Variants in DRC11 observed in about 807,000 individuals in gnomAD.
DRC11 encodes dynein regulatory complex subunit 11.
chr2:236,457,787 G>A, the DRC11 span, among the ~76,000 whole-genome samples: 1 of 152,200 alleles, frequency 6.6e-6, no homozygotes, highest in Non-Finnish European at 1.5e-5. This position sits in a 1 kb window ranked among gnomAD's most constrained non-coding sequence, Gnocchi z 4.7. Context: ...GAAGCCCCCA[G>A]AAGCTGGCAG....
chr2:236,338,505 C>A, the DRC11 span: 1 of 889,082 alleles, frequency 1.1e-6, no homozygotes, highest in Non-Finnish European at 1.7e-6. Flanking sequence ...CTGACAAACA[C>A]AATTTCTTAA....
chr2:236,350,193 G>A, the DRC11 span, among the ~76,000 whole-genome samples: 1 of 152,136 alleles, frequency 6.6e-6, no homozygotes, highest in East Asian at 1.9e-4. The surrounding 1 kb of genome is among the most constrained non-coding windows in gnomAD (Gnocchi z 5.2). Flanking sequence ...TTTTGAAAAC[G>A]GCGGCTCCAT....
At chr2:236,475,858 T>G in the DRC11 span, among the ~76,000 whole-genome samples, 1 of 152,196 alleles carries the variant, frequency 6.6e-6, no homozygotes, top group African/African-American at 2.4e-5. The surrounding 1 kb of genome is among the most constrained non-coding windows in gnomAD (Gnocchi z 4.8). Context: ...TCTTGGAGTC[T>G]TTGTCGAAAA....
chr2:236,336,613 C>G, the DRC11 span, among the ~76,000 whole-genome samples: 1 of 152,132 alleles, frequency 6.6e-6, no homozygotes, highest in Non-Finnish European at 1.5e-5. The surrounding 1 kb of genome is among the most constrained non-coding windows in gnomAD (Gnocchi z 7.3). Flanking sequence ...ACACAGTCAC[C>G]CTATCTCCCG....
chr2:236,395,122 C>T, the DRC11 span, among the ~76,000 whole-genome samples: 8 of 152,070 alleles, frequency 5.3e-5, no homozygotes, highest in African/African-American at 1.9e-4. Context: ...GGATTGGGGG[C>T]ACAGCGCTGG....
At chr2:236,500,037 G>A in the DRC11 span, among the ~76,000 whole-genome samples, 4 of 152,154 alleles carry the variant, frequency 2.6e-5, no homozygotes, top group East Asian at 1.9e-4. This position sits in a 1 kb window ranked among gnomAD's most constrained non-coding sequence, Gnocchi z 6.3. Context: ...CCTTTCTGGC[G>A]AAAAGGTAAA....
At chr2:236,487,952 G>C in the DRC11 span, 1 of 1,313,832 alleles carries the variant, frequency 7.6e-7, no homozygotes, top group South Asian at 1.7e-5. Flanking sequence ...TGTATCTTTA[G>C]TGTATAAGGC....
the DRC11 span, among the ~76,000 whole-genome samples, chr2:236,330,803 C>T: frequency 2.0e-5 from 3 of 152,164 alleles, no homozygotes; most frequent in Non-Finnish European, 2.9e-5. This position sits in a 1 kb window ranked among gnomAD's most constrained non-coding sequence, Gnocchi z 5.5. Context: ...CTGGGCACTC[C>T]TATAAGAGAG....
At chr2:236,326,072 T>C in the DRC11 span, among the ~76,000 whole-genome samples, 3 of 152,248 alleles carry the variant, frequency 2.0e-5, no homozygotes, top group South Asian at 2.1e-4. Flanking sequence ...TGTTTCTTTG[T>C]AGGTAATCTG....
the DRC11 span, among the ~76,000 whole-genome samples, chr2:236,323,590 C>T: frequency 6.6e-6 from 1 of 152,204 alleles, no homozygotes; most frequent in Non-Finnish European, 1.5e-5. This position sits in a 1 kb window ranked among gnomAD's most constrained non-coding sequence, Gnocchi z 6.4. Context: ...CTGGAAACCA[C>T]AAACCTTCTT....
chr2:236,449,349 T>C, the DRC11 span, among the ~76,000 whole-genome samples: 2 of 152,194 alleles, frequency 1.3e-5, no homozygotes, highest in Admixed American at 1.3e-4. This position sits in a 1 kb window ranked among gnomAD's most constrained non-coding sequence, Gnocchi z 5.1. Flanking sequence ...CAAGGCACCA[T>C]TCTGTCACGA....
At chr2:236,347,655 C>T in the DRC11 span, among the ~76,000 whole-genome samples, 4 of 151,656 alleles carry the variant, frequency 2.6e-5, no homozygotes, top group Non-Finnish European at 4.4e-5. Context: ...TACGTTCTCA[C>T]TAGGACGCGA....
chr2:236,319,120 C>G, the DRC11 span, among the ~76,000 whole-genome samples: 13 of 152,226 alleles, frequency 8.5e-5, no homozygotes, highest in African/African-American at 3.1e-4. The surrounding 1 kb of genome is among the most constrained non-coding windows in gnomAD (Gnocchi z 6.7). Flanking sequence ...CATGCCCCTC[C>G]TCCTTCTTCA....
the DRC11 span, among the ~76,000 whole-genome samples, chr2:236,350,465 T>G: frequency 1.1e-4 from 16 of 152,314 alleles, no homozygotes; most frequent in Admixed American, 7.8e-4. The surrounding 1 kb of genome is among the most constrained non-coding windows in gnomAD (Gnocchi z 5.2). Flanking sequence ...CTGACTTCAT[T>G]TGCAAAGTGC....
At chr2:236,360,811 C>G in the DRC11 span, among the ~76,000 whole-genome samples, 57 of 152,290 alleles carry the variant, frequency 3.7e-4, no homozygotes, top group African/African-American at 1.4e-3. This position sits in a 1 kb window ranked among gnomAD's most constrained non-coding sequence, Gnocchi z 5.8. Flanking sequence ...TATTCCAGGA[C>G]TAAGAGATTT....
At chr2:236,478,927 C>T in the DRC11 span, among the ~76,000 whole-genome samples, 46 of 151,654 alleles carry the variant, frequency 3.0e-4, no homozygotes, top group African/African-American at 9.9e-4. This position sits in a 1 kb window ranked among gnomAD's most constrained non-coding sequence, Gnocchi z 5.9. Flanking sequence ...CAGGTTCAAG[C>T]GAGTGTCCTG....
At chr2:236,368,690 T>A in the DRC11 span, 41 of 166,808 alleles carry the variant, frequency 2.5e-4, no homozygotes, top group Admixed American at 1.5e-3. Context: ...ATGTATAACA[T>A]TTGTGCAAAC....
chr2:236,487,142 C>A, the DRC11 span, among the ~76,000 whole-genome samples: 1 of 152,152 alleles, frequency 6.6e-6, no homozygotes, highest in Admixed American at 6.5e-5. Context: ...ACCTTGGTTT[C>A]TTCAAGAGGA....
the DRC11 span, chr2:236,407,778 ATT>A: frequency 1.6e-3 from 408 of 251,248 alleles, no homozygotes; most frequent in Non-Finnish European, 2.2e-3. Context: ...TTCACTCCTC[ATT>A]TTTTTTTTTT....
Sources: gnomAD v4.1 joint callset for allele counts (sites outside exome capture counted in the v4.1 genomes callset) on GRCh38, gnomAD v4.1.1 for gene constraint, Gnocchi (gnomAD v3.1) non-coding constraint, MANE v1.5 for transcripts, NCBI Gene and HGNC (gene_info 2026-07-23, HGNC 2026-07-21) for gene names.